The following MALT1 variants were observed in gnomAD, a reference collection of about 807,000 sequenced individuals.
MALT1 encodes the protein MALT1 paracaspase, also known as mucosa-associated lymphoid tissue lymphoma translocation protein 1.
A neutral mutation model predicts 85.5 loss-of-function variants in MALT1; 36 were observed. That is an observed-to-expected ratio of 0.42 (90% CI 0.32 to 0.56). The LOEUF (loss-of-function observed/expected upper bound fraction) is 0.56. MALT1 is among the 20% of genes least tolerant of loss of function. MALT1 has a pLI of 0.10. For missense variants in MALT1, 716 were observed against 981.6 expected, an observed-to-expected ratio of 0.73 and a Z score of 3.62; for synonymous variants, 359 against 361.3, an observed-to-expected ratio of 0.99 and a Z score of 0.07.
rs1243361613 is a variant in MALT1 at position 58,715,929 on chromosome 18, G to A, written c.986-6G>A. The A allele has an allele frequency of 5.6e-6, 9 of 1,598,230 alleles. No homozygotes were observed. Among genetic ancestry groups the A allele is most frequent in the Non-Finnish European group, 7.7e-6 (9 of 1,171,290 alleles). On this transcript the variant is annotated splice_region_variant and splice_polypyrimidine_tract_variant and intron_variant, in intron 8 of 16. Coordinates refer to ENST00000649217, the MANE Select transcript of MALT1 (RefSeq NM_006785.4). ...TTACATGTTTTGCTTTTTTATCTTT[G>A]TATAGATAATAAAGAGCAAACAACT...
intron 13 of MALT1, 73 bp downstream of exon 13, chr18:58,735,402 T>C (rs1486935627): frequency 1.2e-5 from 17 of 1,475,606 alleles, no homozygotes; most frequent in Non-Finnish European, 1.4e-5. Context: ...CAGGGTTCCC[T>C]CTCTGGTGAT....
chr18:58,671,533 T>C lies in MALT1; in HGVS notation c.-111T>C. 1 of 644,904 alleles carries C rather than the reference T, an allele frequency of 1.6e-6. No individual in the cohort carries two copies. Among genetic ancestry groups the C allele is most frequent in the East Asian group, 3.7e-5 (1 of 26,702 alleles). 39.9% of individuals were successfully genotyped at this position (644,904 alleles called of 1,614,324 possible). Reference sequence around the variant, plus strand: ...GGGCCGTGCCGCGCTGCCAGATTTGTTCTTCCGCCCCTGCCTCCGCGGCTC... The same window carrying C: ...GGGCCGTGCCGCGCTGCCAGATTTGCTCTTCCGCCCCTGCCTCCGCGGCTC... On this transcript the variant is annotated 5_prime_UTR_variant, in exon 1 of 17. Transcript: ENST00000649217.
chr18:58,689,828 C>A (rs1008327679), intron 2 of MALT1, among the ~76,000 whole-genome samples: 5 of 152,026 alleles, frequency 3.3e-5, no homozygotes, highest in Non-Finnish European at 7.4e-5. Context: ...GATGGCAAAG[C>A]GGAGCTTGTG....
intron 15 of MALT1, among the ~76,000 whole-genome samples, chr18:58,745,207 G>A (rs1183066657): frequency 6.6e-6 from 1 of 152,168 alleles, no homozygotes; most frequent in Non-Finnish European, 1.5e-5. Flanking sequence ...TGGAGCAGCA[G>A]AACCCTTACT....
At position 58,671,639 on chromosome 18, in the gene MALT1, G is replaced by GTCCGGGGTCGCC. The variant is rs1176834290; in HGVS notation, c.-5_-4insTCCGGGGTCGCC. ...CCCGGCAGTCCGGGGTCGCCGGCGA[G>GTCCGGGGTCGCC]GGCCATGTCGCTGTTGGGGGACCCG... On this transcript the variant is annotated 5_prime_UTR_variant, in exon 1 of 17. Coordinates refer to ENST00000649217, the MANE Select transcript of MALT1 (RefSeq NM_006785.4). 2.0e-5 allele frequency: 24 copies of GTCCGGGGTCGCC among 1,214,810 alleles called. No individual in the cohort carries two copies. The highest frequency in any genetic ancestry group is 2.1e-5 in the Non-Finnish European group (21 of 977,014). The allele number at this position is 1,214,810 out of a possible 1,614,324, so 75.3% of individuals were successfully genotyped here.
At chr18:58,709,657 G>T in intron 5 of MALT1, 101 bp downstream of exon 5, 1 of 978,392 alleles carries the variant, frequency 1.0e-6, no homozygotes, top group Non-Finnish European at 1.4e-6. Flanking sequence ...CCTTTCAGAT[G>T]TTTTAATGTT....
chr18:58,704,789 T>G (rs763400925), intron 4 of MALT1, among the ~76,000 whole-genome samples: 4 of 151,868 alleles, frequency 2.6e-5, no homozygotes, highest in Non-Finnish European at 4.4e-5. Context: ...TAGTATATGT[T>G]TTTCATTCTT....
At chr18:58,681,447 G>A in intron 2 of MALT1, 111 bp downstream of exon 2, 2 of 952,030 alleles carry the variant, frequency 2.1e-6, no homozygotes, top group African/African-American at 1.7e-5. Flanking sequence ...AAATGTAAAT[G>A]TGTAGTGCCT....
At chr18:58,722,872 C>G (rs542329413) in intron 9 of MALT1, among the ~76,000 whole-genome samples, 176 bp from the exon 10 acceptor site, 1 of 152,196 alleles carries the variant, frequency 6.6e-6, no homozygotes, top group Non-Finnish European at 1.5e-5. Flanking sequence ...CTGTGTTCCT[C>G]AGAGAATATT....
rs1180821022 is a variant in MALT1 at position 58,751,077 on chromosome 18, C to T, written c.*3235C>T. On this transcript the variant is annotated 3_prime_UTR_variant, in exon 17 of 17. Coordinates refer to ENST00000649217, the MANE Select transcript of MALT1 (RefSeq NM_006785.4). ...GATGGGATGCTTGGTATCCGCACTC[C>T]CAGTGTGATAGCCTTTAGCCTCATG... The T allele has an allele frequency of 1.3e-5, 2 of 152,190 alleles. No homozygotes were observed. Among genetic ancestry groups the T allele is most frequent in the Admixed American group, 1.3e-4 (2 of 15,274 alleles). The allele number at this position is 152,190 out of a possible 1,614,324, so 9.4% of individuals were successfully genotyped here.
Position 58,747,603 on chromosome 18 carries a change from G to A in MALT1, c.2236G>A (p.Gly746Arg), listed in dbSNP as rs1430642652. Residue 746 changes from glycine to arginine, a missense_variant, in exon 17 of 17, where the codon GGA (glycine) becomes AGA (arginine). This residue lies in a region of MALT1 where 260 missense variants were observed against 323.7 expected (regional missense o/e 0.80). Transcript: ENST00000649217. ...PYQSSAATSGGAGHYHSLQDP... is the reference protein window; with the variant it reads ...PYQSSAATSGRAGHYHSLQDP... ...CCAGAGTTCTGCAGCCACCTCAGGA[G>A]GAGCAGGGCATTATCACTCATTGCA... The A allele has an allele frequency of 1.2e-6, 2 of 1,614,074 alleles. No individual in the cohort carries two copies. Among genetic ancestry groups the A allele is most frequent in the Non-Finnish European group, 1.7e-6 (2 of 1,180,036 alleles).
Position 58,733,617 on chromosome 18 carries a change from A to G in MALT1, c.1400+43A>G, listed in dbSNP as rs780435790. On this transcript the variant is annotated intron_variant, in intron 11 of 16. Transcript: ENST00000649217. ...TATTAAAGAATTGTTGGAGTTAAAT[A>G]TCGACCATGACAAACTAGAGAAACC... is the stretch of plus-strand genomic sequence containing the variant. 9 of 1,421,492 alleles carry G rather than the reference A, an allele frequency of 6.3e-6. No homozygotes were observed. The Admixed American group carries it at 1.5e-4, about 24-fold the overall frequency. 88.1% of individuals were successfully genotyped at this position (1,421,492 alleles called of 1,614,324 possible). A position where few individuals can be genotyped will look rare whatever the true frequency, so the allele number is the denominator to read the frequency against.
At chr18:58,687,431 TTGTG>T (rs551168508) in intron 2 of MALT1, among the ~76,000 whole-genome samples, 53 of 152,276 alleles carry the variant, frequency 3.5e-4, no homozygotes, top group African/African-American at 1.2e-3. Flanking sequence ...TGGACATACT[TTGTG>T]TAATGCCGTA....
intron 13 of MALT1, among the ~76,000 whole-genome samples, chr18:58,740,715 T>G (rs2055289950): frequency 6.6e-6 from 1 of 152,128 alleles, no homozygotes; most frequent in Non-Finnish European, 1.5e-5. Flanking sequence ...GCATGTGTAC[T>G]TGAGAAAAAT....
At chr18:58,693,386 A>C (rs1028935204) in intron 2 of MALT1, among the ~76,000 whole-genome samples, 2 of 152,216 alleles carry the variant, frequency 1.3e-5, no homozygotes, top group African/African-American at 4.8e-5. Flanking sequence ...ATGACACTGC[A>C]CTCCAGCCTA....
chr18:58,712,221 G>C (rs1392658450), intron 7 of MALT1, among the ~76,000 whole-genome samples: 6 of 152,086 alleles, frequency 3.9e-5, no homozygotes, highest in Admixed American at 2.0e-4. Flanking sequence ...GAAAAAATTA[G>C]ATCCAAATTT....
At chr18:58,739,792 C>A (rs778915144) in intron 13 of MALT1, among the ~76,000 whole-genome samples, 2 of 131,658 alleles carry the variant, frequency 1.5e-5, no homozygotes. Context: ...TCTCACTGTC[C>A]CTCTATGTAC....
chr18:58,726,476 C>T (rs2055056258), intron 10 of MALT1, among the ~76,000 whole-genome samples: 1 of 152,114 alleles, frequency 6.6e-6, no homozygotes, highest in South Asian at 2.1e-4. Flanking sequence ...AAGGCAGAGT[C>T]ACAGGAATTT....
At chr18:58,704,656 T>A (rs2054720080) in intron 4 of MALT1, among the ~76,000 whole-genome samples, 1 of 152,112 alleles carries the variant, frequency 6.6e-6, no homozygotes, top group Non-Finnish European at 1.5e-5. Flanking sequence ...TGGGATTTCA[T>A]CATGTTGCCC....
Sources: allele counts gnomAD v4.1 joint callset (sites outside exome capture counted in the v4.1 genomes callset), GRCh38; gene constraint gnomAD v4.1.1; regional missense constraint gnomAD v4.1.1; transcripts MANE v1.5; gene names NCBI Gene and HGNC (gene_info 2026-07-23, HGNC 2026-07-21).